MNX1: variants seen among roughly 807,000 people sequenced by gnomAD.
The protein encoded by MNX1 is motor neuron and pancreas homeobox protein 1.
Under a neutral mutation model 17.3 loss-of-function variants are expected in MNX1, and 2 were observed. That is an observed-to-expected ratio of 0.12 (90% CI 0.05 to 0.36). The LOEUF is 0.36. Among genes scored for constraint, MNX1 ranks in the 10% least tolerant of loss-of-function variants. MNX1 has a pLI of 1.00. For missense variants in MNX1, 556 were observed against 564.7 expected, an observed-to-expected ratio of 0.98 and a Z score of 0.16; for synonymous variants, 306 against 283.1, an observed-to-expected ratio of 1.08 and a Z score of -0.81.
At position 157,006,470 on chromosome 7, in the gene MNX1, G is replaced by A; in HGVS notation, c.852+9C>T. ...GCCGGGATGCGTCGGGGGCGGGGAG[G>A]GCGCGCACCTGGGTCTCGGTGAGCA... is the stretch of plus-strand genomic sequence containing the variant. On this transcript the variant is annotated intron_variant, in intron 2 of 2. Transcript: ENST00000252971. This position sits in a 1 kb window ranked among gnomAD's most constrained non-coding sequence, Gnocchi z 6.3. The A allele has an allele frequency of 6.2e-7, 1 of 1,608,536 alleles. No homozygotes were observed. The highest frequency in any genetic ancestry group is 8.5e-7 in the Non-Finnish European group (1 of 1,178,594).
intron 1 of MNX1, chr7:157,009,023 G>C (rs919788941): frequency 4.6e-5 from 70 of 1,536,970 alleles, no homozygotes; most frequent in Middle Eastern, 3.3e-4. Flanking sequence ...GGATTCCAGG[G>C]CAGGCACCTA....
chr7:157,006,472 C>T lies in MNX1; in HGVS notation c.852+7G>A. On this transcript the variant is annotated splice_region_variant and intron_variant, in intron 2 of 2. Transcript: ENST00000252971. The surrounding 1 kb of genome is among the most constrained non-coding windows in gnomAD (Gnocchi z 6.3). ...CGGGATGCGTCGGGGGCGGGGAGGG[C>T]GCGCACCTGGGTCTCGGTGAGCATG... 1 of 1,607,970 alleles carries T rather than the reference C, an allele frequency of 6.2e-7. No homozygotes were observed. Among genetic ancestry groups the T allele is most frequent in the Non-Finnish European group, 8.5e-7 (1 of 1,178,392 alleles).
intron 1 of MNX1, chr7:157,008,619 G>A (rs1805646570): frequency 4.1e-6 from 1 of 246,544 alleles, no homozygotes; most frequent in East Asian, 7.9e-5. Flanking sequence ...ATTCTGGAGT[G>A]TTTATTTCTG....
chr7:157,010,418 TCAG>T lies in MNX1; in HGVS notation c.-71_-69del. ...CGCGGCCGTGTGCGGGCTCGCGGAGTCAGTGCGTGCGGTGCAAGCCCGGGGGCT... is the reference window on the plus strand; with the variant it reads ...CGCGGCCGTGTGCGGGCTCGCGGAGTTGCGTGCGGTGCAAGCCCGGGGGCT... On this transcript the variant is annotated 5_prime_UTR_variant, in exon 1 of 3. Coordinates refer to ENST00000252971, the MANE Select transcript of MNX1 (RefSeq NM_005515.4). The T allele has an allele frequency of 7.4e-7, 1 of 1,343,032 alleles. No individual in the cohort carries two copies. The highest frequency in any genetic ancestry group is 1.0e-6 in the Non-Finnish European group (1 of 971,818). The allele number at this position is 1,343,032 out of a possible 1,614,324, so 83.2% of individuals were successfully genotyped here.
chr7:157,005,914 C>G (rs1805588189), intron 2 of MNX1, 41 bp from the exon 3 acceptor site: 1 of 1,604,396 alleles, frequency 6.2e-7, no homozygotes, highest in Non-Finnish European at 8.5e-7. Context: ...CCACCGCCAC[C>G]CCAGGGCTTC....
intron 1 of MNX1, chr7:157,007,505 G>GC (rs1430118619): frequency 6.6e-6 from 1 of 152,312 alleles, no homozygotes; most frequent in Non-Finnish European, 1.5e-5. Flanking sequence ...GGTGCGGGCG[G>GC]CAGGGGCAAG....
intron 1 of MNX1, chr7:157,008,165 C>T (rs1250584907): frequency 6.6e-6 from 1 of 152,208 alleles, no homozygotes; most frequent in Non-Finnish European, 1.5e-5. Context: ...CTGAGTGACC[C>T]TGGGCTCCAC....
Position 157,005,582 on chromosome 7 carries a change from C to A in MNX1, c.1144G>T (p.Asp382Tyr). 1.3e-6 allele frequency: 2 copies of A among 1,594,346 alleles called. No homozygotes were observed. The highest frequency in any genetic ancestry group is 1.7e-6 in the Non-Finnish European group (2 of 1,172,732). The change falls in exon 3 of 3, where the codon GAC becomes TAC. Residue 382 changes from aspartate to tyrosine, a missense_variant. By Grantham distance (160) the Asp-to-Tyr change is radical. Transcript: ENST00000252971. ...GGCGAGTCGTCCTCCGAGGAGCAGTCGGAGGAGGCGGCGTGGACGCTGGCG... is the reference window on the plus strand; with the variant it reads ...GGCGAGTCGTCCTCCGAGGAGCAGTAGGAGGAGGCGGCGTGGACGCTGGCG... Reference protein sequence around the residue: ...NGASVHAASSDCSSEDDSPPP... With the variant: ...NGASVHAASSYCSSEDDSPPP...
Position 157,006,273 on chromosome 7 carries a change from A to C in MNX1, c.852+206T>G. 1 of 603,420 alleles carries C rather than the reference A, an allele frequency of 1.7e-6. No homozygotes were observed. The highest frequency in any genetic ancestry group is 3.0e-5 in the Admixed American group (1 of 33,264). The allele number at this position is 603,420 out of a possible 1,614,324, so 37.4% of individuals were successfully genotyped here. A position where few individuals can be genotyped will look rare whatever the true frequency, so the allele number is the denominator to read the frequency against. ...TGGGGATCACCTTCTTCAGAATGAA[A>C]GGAGGGGTGGTTAAGTGCTGATTCT... On this transcript the variant is annotated intron_variant, in intron 2 of 2. Transcript: ENST00000252971. The surrounding 1 kb of genome is among the most constrained non-coding windows in gnomAD (Gnocchi z 6.3).
intron 1 of MNX1, chr7:157,007,794 G>C (rs1355376818): frequency 2.6e-5 from 4 of 152,268 alleles, no homozygotes; most frequent in African/African-American, 9.6e-5. Context: ...CCCGGGATGG[G>C]CAGTTTGCTT....
In MNX1 at chr7:157,009,904, G is replaced by A. The variant is rs1320668083; in HGVS notation, c.447C>T (p.Gly149=). 3 of 1,319,546 alleles carry A rather than the reference G, an allele frequency of 2.3e-6. No individual in the cohort carries two copies. Among genetic ancestry groups the A allele is most frequent in the African/African-American group, 3.1e-5 (2 of 63,616 alleles). 81.7% of individuals were successfully genotyped at this position (1,319,546 alleles called of 1,614,324 possible). Residue 149 remains glycine, a synonymous_variant, in exon 1 of 3, where the codon GGC becomes GGT. Transcript: ENST00000252971. ...LGLHPGGAQG[G]AGLPAQAALY... is the part of the protein sequence containing the mutation. Reference sequence around the variant, plus strand: ...GCGCCGCCTGCGCCGGGAGGCCCGCGCCGCCCTGCGCGCCCCCAGGGTGCA... The same window carrying A: ...GCGCCGCCTGCGCCGGGAGGCCCGCACCGCCCTGCGCGCCCCCAGGGTGCA...
In MNX1 at chr7:157,010,439, C is replaced by T. The variant is rs1281336297; in HGVS notation, c.-89G>A. On this transcript the variant is annotated 5_prime_UTR_variant, in exon 1 of 3. Coordinates refer to ENST00000252971, the MANE Select transcript of MNX1 (RefSeq NM_005515.4). ...GGAGTCAGTGCGTGCGGTGCAAGCC[C>T]GGGGGCTCGGTATTGTTATGGTGGT... 9 of 950,768 alleles carry T rather than the reference C, an allele frequency of 9.5e-6. No individual in the cohort carries two copies. Among genetic ancestry groups the T allele is most frequent in the African/African-American group, 1.7e-5 (1 of 58,282 alleles). The allele number at this position is 950,768 out of a possible 1,614,324, so 58.9% of individuals were successfully genotyped here. A position where few individuals can be genotyped will look rare whatever the true frequency, so the allele number is the denominator to read the frequency against.
rs1396517665 is a variant in MNX1, at chr7:157,009,866, G to A, written c.485C>T (p.Pro162Leu). 3 of 1,480,300 alleles carry A rather than the reference G, an allele frequency of 2.0e-6. No homozygotes were observed. Among genetic ancestry groups the A allele is most frequent in the South Asian group, 2.6e-5 (2 of 78,374 alleles). The allele number at this position is 1,480,300 out of a possible 1,614,324, so 91.7% of individuals were successfully genotyped here. ...CGCCGCCGCGGAGTAGCCGTAGACC[G>A]GGTGGCCGTAGAGCGCCGCCTGCGC... ...LPAQAALYGHPVYGYSAAAAA... is the reference protein window; with the variant it reads ...LPAQAALYGHLVYGYSAAAAA... The change falls in exon 1 of 3, where the codon CCG becomes CTG. Residue 162 changes from proline (P) to leucine (L), a missense_variant. Pro to Leu is a moderately conservative substitution (Grantham distance 98, BLOSUM62 -3). Coordinates refer to ENST00000252971, the MANE Select transcript of MNX1 (RefSeq NM_005515.4).
intron 1 of MNX1, chr7:157,009,266 C>CTGGCCCAAGTTCCT (rs998884748): frequency 1.4e-6 from 2 of 1,420,716 alleles, no homozygotes; most frequent in African/African-American, 2.9e-5. Context: ...AGTGGGGGAC[C>CTGGCCCAAGTTCCT]TGGCCCAAGT....
chr7:157,009,602 T>C (rs1805669252), intron 1 of MNX1, 58 bp downstream of exon 1: 1 of 1,582,582 alleles, frequency 6.3e-7, no homozygotes, highest in Non-Finnish European at 8.6e-7. Context: ...GCGGTGCCGG[T>C]GGAGGATGCG....
In MNX1 at chr7:157,006,853, ATTTTTTT is replaced by A. The variant is rs373662349; in HGVS notation, c.692-221_692-215del. The A allele has an allele frequency of 1.8e-5, 5 of 273,832 alleles. No homozygotes were observed. The East Asian group carries it at 1.9e-4, about 11-fold the overall frequency. The allele number at this position is 273,832 out of a possible 1,614,324, so 17.0% of individuals were successfully genotyped here. A position where few individuals can be genotyped will look rare whatever the true frequency, so the allele number is the denominator to read the frequency against. The stretch of plus-strand genomic sequence containing the variant: ...GGATAGTTTGGAGTTAATGAGACCA[ATTTTTTT>A]TTTTTTTTTTGTCTAGGAGACGTCT... On this transcript the variant is annotated intron_variant, in intron 1 of 2. Coordinates refer to ENST00000252971, the MANE Select transcript of MNX1 (RefSeq NM_005515.4). The surrounding 1 kb of genome is among the most constrained non-coding windows in gnomAD (Gnocchi z 6.3).
chr7:157,010,303 G>A lies in MNX1; in HGVS notation c.48C>T (p.Asp16=), dbSNP rs749617763. 2.5e-6 allele frequency: 4 copies of A among 1,577,074 alleles called. No individual in the cohort carries two copies. The highest frequency in any genetic ancestry group is 1.8e-5 in the Admixed American group (1 of 56,874). Residue 16 remains aspartate (D), a synonymous_variant, in exon 1 of 3, where the codon GAC becomes GAT. Transcript: ENST00000252971. The part of the protein sequence containing the change: ...NFRIDALLAV[D]PPRAASAQSA... ...TCTGCGCAGAGGCGGCTCGTGGGGG[G>A]TCCACCGCCAGCAGGGCGTCGATGC...
rs1805587279 is a variant in MNX1, at chr7:157,005,878, G to C, written c.853-5C>G. ...GTTCTGGAACCAAATCTTCACCTGCGGGCACAAGCGGGCGTGAGAAACCGG... is the reference window on the plus strand; with the variant it reads ...GTTCTGGAACCAAATCTTCACCTGCCGGCACAAGCGGGCGTGAGAAACCGG... On this transcript the variant is annotated splice_polypyrimidine_tract_variant and splice_region_variant and intron_variant, in intron 2 of 2. Transcript: ENST00000252971. The C allele has an allele frequency of 6.2e-7, 1 of 1,610,694 alleles. No homozygotes were observed. The highest frequency in any genetic ancestry group is 8.5e-7 in the Non-Finnish European group (1 of 1,179,778).
chr7:157,007,780 G>T (rs1045751335), intron 1 of MNX1: 1 of 152,272 alleles, frequency 6.6e-6, no homozygotes, highest in East Asian at 1.9e-4. Context: ...ATGAGCTCAG[G>T]TCCCCCGGGA....
Sources: allele counts gnomAD v4.1 joint callset, GRCh38; gene constraint gnomAD v4.1.1; non-coding constraint Gnocchi (gnomAD v3.1); transcripts MANE v1.5; gene names NCBI Gene and HGNC (gene_info 2026-07-23, HGNC 2026-07-21).